The following CECR2 variants were observed in gnomAD, a reference collection of about 807,000 sequenced individuals.
CECR2 encodes chromatin remodeling regulator CECR2.
In CECR2, 30 loss-of-function variants were observed where a neutral mutation model predicts 154.5. The observed-to-expected ratio is 0.19, with a 90% CI of 0.15 to 0.26. The LOEUF is 0.26. Among genes scored for constraint, CECR2 ranks in the 10% least tolerant of loss-of-function variants. CECR2 has a pLI of 1.00. For synonymous variants in CECR2, 725 were observed against 683.7 expected (o/e 1.06, Z -0.94); for missense variants, 1,743 against 1,829.3 (o/e 0.95, Z 0.86).
chr22:17,361,830 A>G (rs1354001279), intron 1 of CECR2, among the ~76,000 whole-genome samples: 1 of 152,048 alleles, frequency 6.6e-6, no homozygotes, highest in African/African-American at 2.4e-5. Flanking sequence ...TCTATTCCAC[A>G]AGCATTTATT....
At chr22:17,449,690 T>C (rs1011770642) in intron 1 of CECR2, among the ~76,000 whole-genome samples, 3 of 151,892 alleles carry the variant, frequency 2.0e-5, no homozygotes, top group South Asian at 4.2e-4. Flanking sequence ...GGGGTTTCAC[T>C]GTGTTAGTCA....
At chr22:17,388,137 TAG>T (rs943954840) in intron 1 of CECR2, among the ~76,000 whole-genome samples, 1 of 152,028 alleles carries the variant, frequency 6.6e-6, no homozygotes, top group African/African-American at 2.4e-5. Flanking sequence ...ATATTTTTAG[TAG>T]AGACGGGTTT....
upstream of CECR2, among the ~76,000 whole-genome samples, chr22:17,364,659 T>C (rs2062992665): frequency 1.3e-5 from 2 of 151,504 alleles, no homozygotes; most frequent in Admixed American, 6.6e-5. Flanking sequence ...GCCTGGCCAA[T>C]ATGGTGAAAC....
intron 1 of CECR2, among the ~76,000 whole-genome samples, chr22:17,399,565 G>A (rs183924312): frequency 2.6e-5 from 4 of 151,920 alleles, no homozygotes; most frequent in East Asian, 1.9e-4. Flanking sequence ...TTACAGGCAC[G>A]CGCCACCATG....
At chr22:17,484,911 C>T (rs770859611) in intron 2 of CECR2, among the ~76,000 whole-genome samples, 10 of 152,210 alleles carry the variant, frequency 6.6e-5, no homozygotes, top group Non-Finnish European at 1.2e-4. Context: ...ATTTGGCCCT[C>T]GGGCTATAAT....
chr22:17,494,801 TCTC>T (rs1228234109), intron 2 of CECR2, among the ~76,000 whole-genome samples: 1 of 152,032 alleles, frequency 6.6e-6, no homozygotes, highest in Non-Finnish European at 1.5e-5. Flanking sequence ...TTCAAGCAAT[TCTC>T]CTGCCTCAGC....
chr22:17,362,654 A>G (rs2062982729), intron 1 of CECR2, among the ~76,000 whole-genome samples: 1 of 152,054 alleles, frequency 6.6e-6, no homozygotes, highest in South Asian at 2.1e-4. Context: ...CTGTAATCCC[A>G]GTACTTTGGG....
chr22:17,477,175 A>T (rs140272397), intron 1 of CECR2: 17 of 718,780 alleles, frequency 2.4e-5, no homozygotes, highest in Non-Finnish European at 3.9e-5. Context: ...GTAAATGACA[A>T]ATGTTTCATA....
At chr22:17,414,130 G>T (rs547996473) in intron 1 of CECR2, among the ~76,000 whole-genome samples, 79 of 151,668 alleles carry the variant, frequency 5.2e-4, no homozygotes, top group Non-Finnish European at 8.2e-4. Flanking sequence ...CTGCCACCAC[G>T]CCTGGCTAAT....
intron 1 of CECR2, among the ~76,000 whole-genome samples, chr22:17,388,319 A>G (rs1569048706): frequency 6.6e-6 from 1 of 152,170 alleles, no homozygotes; most frequent in African/African-American, 2.4e-5. Context: ...TTTTGGTGCC[A>G]TGCACTGTCT....
rs1375676607 is a variant in CECR2 at position 17,549,233 on chromosome 22, G to A, written c.3946G>A (p.Glu1316Lys). ...GCGGCAGAGCTCGTTGTCAGCCAGCGAGTATCTCTATGGAACTCCTCCGCC... is the reference window on the plus strand; with the variant it reads ...GCGGCAGAGCTCGTTGTCAGCCAGCAAGTATCTCTATGGAACTCCTCCGCC... ...TKRQSSLSASEYLYGTPPPLS... is the reference protein window; with the variant it reads ...TKRQSSLSASKYLYGTPPPLS... Residue 1316 changes from glutamate (E) to lysine (K), a missense_variant, in exon 17 of 19, where the codon GAG becomes AAG. Coordinates refer to ENST00000262608, the MANE Select transcript of CECR2 (RefSeq NM_001290047.2). 6.8e-6 allele frequency: 11 copies of A among 1,614,030 alleles called. No individual in the cohort carries two copies. The highest frequency in any genetic ancestry group is 2.2e-5 in the South Asian group (2 of 91,088).
At chr22:17,394,196 G>GTTT (rs2053773491) in intron 1 of CECR2, among the ~76,000 whole-genome samples, 1 of 90,858 alleles carries the variant, frequency 1.1e-5, no homozygotes, top group Non-Finnish European at 2.3e-5. Flanking sequence ...TGCTGCCGCT[G>GTTT]CTTTTTTTTT....
At chr22:17,390,561 C>T (rs1462009689) in intron 1 of CECR2, among the ~76,000 whole-genome samples, 1 of 152,122 alleles carries the variant, frequency 6.6e-6, no homozygotes, top group African/African-American at 2.4e-5. Flanking sequence ...TGCCAGATTC[C>T]TTTTTACAAG....
intron 1 of CECR2, among the ~76,000 whole-genome samples, chr22:17,397,112 A>G (rs1601283915): frequency 6.6e-6 from 1 of 151,680 alleles, no homozygotes; most frequent in East Asian, 1.9e-4. Flanking sequence ...GCTCCCTCCT[A>G]AAGAGCTTTT....
chr22:17,371,419 T>C (rs2063059339), intron 1 of CECR2, among the ~76,000 whole-genome samples: 1 of 152,220 alleles, frequency 6.6e-6, no homozygotes, highest in South Asian at 2.1e-4. Flanking sequence ...TTTCAAAGTT[T>C]GAACGTGAAT....
intron 8 of CECR2, among the ~76,000 whole-genome samples, chr22:17,515,321 T>C (rs1258254531): frequency 6.6e-6 from 1 of 152,076 alleles, no homozygotes; most frequent in Non-Finnish European, 1.5e-5. Flanking sequence ...GGGGGACAGA[T>C]GGCATCCGCA....
At chr22:17,462,887 G>C (rs1188413953) in intron 1 of CECR2, among the ~76,000 whole-genome samples, 1 of 152,168 alleles carries the variant, frequency 6.6e-6, no homozygotes, top group Non-Finnish European at 1.5e-5. Context: ...CCTCCAGCCT[G>C]GGCAACAGAT....
chr22:17,379,917 C>A (rs1402127857), intron 1 of CECR2, among the ~76,000 whole-genome samples: 1 of 152,140 alleles, frequency 6.6e-6, no homozygotes, highest in African/African-American at 2.4e-5. Flanking sequence ...ATCACATTAT[C>A]TGTGGCTTTT....
chr22:17,490,656 G>A (rs1445071615), intron 2 of CECR2, among the ~76,000 whole-genome samples: 1 of 151,196 alleles, frequency 6.6e-6, no homozygotes, highest in African/African-American at 2.4e-5. Flanking sequence ...TCACCATATT[G>A]GCCAGGCTGG....
Sources: gnomAD v4.1 joint callset for allele counts (sites outside exome capture counted in the v4.1 genomes callset) on GRCh38, gnomAD v4.1.1 for gene constraint, MANE v1.5 for transcripts, NCBI Gene and HGNC (gene_info 2026-07-23, HGNC 2026-07-21) for gene names.